The following SGCD variants were observed in gnomAD, a reference collection of about 807,000 sequenced individuals.
SGCD encodes sarcoglycan delta, also known as delta-sarcoglycan.
SGCD carries 18 observed loss-of-function variants against 36.6 expected under a neutral mutation model. That is an observed-to-expected ratio of 0.49 (90% confidence interval 0.34 to 0.73). The LOEUF is 0.73. Among genes scored for constraint, SGCD ranks in the 30% least tolerant of loss-of-function variants. The probability of loss-of-function intolerance (pLI) is 0.01; values close to 1 mark genes in which losing one functional copy is unlikely to be tolerated. For missense variants in SGCD, 387 were observed against 346.7 expected (o/e 1.12, Z -0.92); for synonymous variants, 133 against 130.6 (o/e 1.02, Z -0.12).
chr5:155,953,478 A>C (rs1757584412), intron 1 of SGCD, among the ~76,000 whole-genome samples: 1 of 152,136 alleles, frequency 6.6e-6, no homozygotes, highest in Non-Finnish European at 1.5e-5. Flanking sequence ...AGCCTGGAAA[A>C]GTTTGGGCAG....
rs145985500 is a variant in SGCD at position 156,137,780 on chromosome 5, T to C, written c.-44+13761T>C. ...AGCATTACTGGTTCAGTGGTAGAAT[T>C]CCTGCCTGCCAAATATGGGTGGTTC... is the stretch of plus-strand genomic sequence containing the variant. On this transcript the variant is annotated intron_variant, in intron 3 of 9. Transcript: ENST00000517913. 4.6e-3 allele frequency among the ~76,000 whole-genome samples: 707 copies of C among 152,248 alleles called. 4 individuals carry two copies. Among genetic ancestry groups the C allele is most frequent in the African/African-American group, 0.013 (526 of 41,538 alleles).
chr5:156,646,497 ACAC>A (rs1763230264), intron 6 of SGCD, among the ~76,000 whole-genome samples: 1 of 152,210 alleles, frequency 6.6e-6, no homozygotes, highest in African/African-American at 2.4e-5. Flanking sequence ...GGATGACAGA[ACAC>A]CACACCATTC....
chr5:156,090,796 T>C (rs1275663605), intron 1 of SGCD, among the ~76,000 whole-genome samples: 1 of 152,084 alleles, frequency 6.6e-6, no homozygotes, highest in Non-Finnish European at 1.5e-5. Context: ...ATGCATTCCT[T>C]CCCCAGGGTT....
chr5:156,584,324 T>C (rs1161746047), intron 4 of SGCD, among the ~76,000 whole-genome samples: 1 of 152,200 alleles, frequency 6.6e-6, no homozygotes, highest in African/African-American at 2.4e-5. Flanking sequence ...CACCTTCTAC[T>C]TTGTGTTCAC....
At chr5:156,195,644 G>C (rs912506751) in intron 3 of SGCD, among the ~76,000 whole-genome samples, 4 of 152,046 alleles carry the variant, frequency 2.6e-5, no homozygotes, top group Admixed American at 6.6e-5. Flanking sequence ...CAGGGTTTTT[G>C]TTAGGCTGTT....
chr5:156,741,481 C>T (rs1756670218), intron 7 of SGCD, among the ~76,000 whole-genome samples: 3 of 151,320 alleles, frequency 2.0e-5, no homozygotes, highest in Admixed American at 2.0e-4. Flanking sequence ...GGAATTTGAG[C>T]TGAGCAGAAG....
At chr5:156,485,693 A>G (rs563985694) in intron 3 of SGCD, among the ~76,000 whole-genome samples, 1 of 152,288 alleles carries the variant, frequency 6.6e-6, no homozygotes, top group Admixed American at 6.5e-5. Context: ...GGAGATGCCC[A>G]GCATTTGCCT....
At chr5:156,294,373 G>A (rs1766841410) in intron 3 of SGCD, among the ~76,000 whole-genome samples, 2 of 152,062 alleles carry the variant, frequency 1.3e-5, no homozygotes, top group South Asian at 2.1e-4. Context: ...GAGGCAAGAG[G>A]ATCACTTGAG....
rs200892949 is a variant in SGCD at position 156,265,923 on chromosome 5, CTAAT to C, written c.-43-63610_-43-63607del. ...TAAGAGTAAACTCTCAGAGAGATCT[CTAAT>C]AAATAATGACTATTACTGACAGACA... On this transcript the variant is annotated intron_variant, in intron 3 of 9. Transcript: ENST00000517913. Among the ~76,000 whole-genome samples, 31 of 152,060 alleles carry C rather than the reference CTAAT, an allele frequency of 2.0e-4. No individual in the cohort carries two copies. In the East Asian group the frequency reaches 4.8e-3, roughly 24 times the overall value.
In SGCD at chr5:156,147,026, G is replaced by A. The variant is rs542555494; in HGVS notation, c.-44+23007G>A. On this transcript the variant is annotated intron_variant, in intron 3 of 9. Coordinates refer to the SGCD transcript ENST00000517913. ...AATATATAATGAATGTACGGCAAAG[G>A]TTTTATTCAGCTCATTAATTAATGA... Among the ~76,000 whole-genome samples the A allele has an allele frequency of 1.4e-4, 21 of 152,238 alleles. 1 individual carries two copies. In the South Asian group the frequency reaches 3.5e-3, roughly 26 times the overall value.
At chr5:156,520,155 A>G (rs1757339521) in intron 4 of SGCD, among the ~76,000 whole-genome samples, 1 of 152,240 alleles carries the variant, frequency 6.6e-6, no homozygotes, top group Non-Finnish European at 1.5e-5. Context: ...GCTGATAAGC[A>G]ACTTCAGGAA....
At chr5:156,106,114 A>G (rs1761642099) in intron 1 of SGCD, among the ~76,000 whole-genome samples, 1 of 142,146 alleles carries the variant, frequency 7.0e-6, no homozygotes, top group Non-Finnish European at 1.5e-5. Flanking sequence ...TGCCTCAAAA[A>G]AAAAAAAAAA....
At chr5:156,585,228 T>C (rs986019241) in intron 4 of SGCD, among the ~76,000 whole-genome samples, 9 of 152,006 alleles carry the variant, frequency 5.9e-5, no homozygotes, top group African/African-American at 1.9e-4. Context: ...TTCAAAACAA[T>C]AGAAATCTAC....
At chr5:156,479,801 T>C (rs1334828008) in intron 3 of SGCD, among the ~76,000 whole-genome samples, 1 of 152,234 alleles carries the variant, frequency 6.6e-6, no homozygotes, top group Non-Finnish European at 1.5e-5. Context: ...GAAGGCATTG[T>C]TGACACAAAT....
At chr5:156,107,616 T>G (rs540797885) in intron 1 of SGCD, among the ~76,000 whole-genome samples, 9 of 152,288 alleles carry the variant, frequency 5.9e-5, no homozygotes, top group African/African-American at 1.9e-4. Context: ...ATCAAACATC[T>G]CTTCCATGAA....
intron 1 of SGCD, among the ~76,000 whole-genome samples, chr5:155,984,764 A>G (rs1758295775): frequency 1.3e-5 from 2 of 152,244 alleles, no homozygotes; most frequent in South Asian, 4.2e-4. Flanking sequence ...CTTTATGGAA[A>G]CACCCCTCCA....
chr5:156,667,742 C>A (rs1439459978), intron 7 of SGCD, among the ~76,000 whole-genome samples: 1 of 152,186 alleles, frequency 6.6e-6, no homozygotes, highest in Non-Finnish European at 1.5e-5. Flanking sequence ...GCCTAGAACA[C>A]AGGACGAGTT....
intron 4 of SGCD, among the ~76,000 whole-genome samples, chr5:156,586,424 A>G (rs1432555983): frequency 6.6e-6 from 1 of 152,190 alleles, no homozygotes; most frequent in East Asian, 1.9e-4. Flanking sequence ...CAGATATCTC[A>G]AATGTAAAAT....
chr5:156,233,533 A>G (rs915176447), intron 3 of SGCD, among the ~76,000 whole-genome samples: 1 of 152,208 alleles, frequency 6.6e-6, no homozygotes, highest in African/African-American at 2.4e-5. Flanking sequence ...TTGAGCATTC[A>G]TGCAATTTAA....
Sources: allele counts gnomAD v4.1 joint callset (sites outside exome capture counted in the v4.1 genomes callset), GRCh38; gene constraint gnomAD v4.1.1; transcripts MANE v1.5; gene names NCBI Gene and HGNC (gene_info 2026-07-23, HGNC 2026-07-21).